Variants in MTMR4 observed in about 807,000 individuals in gnomAD.
MTMR4 encodes the protein phosphatidylinositol-3,5-bisphosphate 3-phosphatase MTMR4.
In MTMR4, 30 loss-of-function variants were observed where a neutral mutation model predicts 125.5. The observed-to-expected ratio is 0.24, with a 90% confidence interval of 0.18 to 0.32. The LOEUF (loss-of-function observed/expected upper bound fraction) is 0.32, where lower values mean the gene tolerates loss of function less well. Ranked by LOEUF, MTMR4 falls within the 10% of genes least tolerant of loss-of-function variation. MTMR4 has a pLI of 1.00. For synonymous variants in MTMR4, 498 were observed against 564.5 expected (o/e 0.88, Z 1.67); for missense variants, 1,039 against 1,511.5 (o/e 0.69, Z 5.18).
chr17:58,516,934 G>C (rs2042025915), upstream of MTMR4, among the ~76,000 whole-genome samples: 1 of 152,250 alleles, frequency 6.6e-6, no homozygotes, highest in African/African-American at 2.4e-5. Context: ...CTTTCTCAGG[G>C]AGCAGAACTG....
chr17:58,518,101 G>A (rs2042044415), upstream of MTMR4, among the ~76,000 whole-genome samples: 1 of 152,228 alleles, frequency 6.6e-6, no homozygotes, highest in Non-Finnish European at 1.5e-5. Flanking sequence ...CCTGGAGGAA[G>A]GAGGCGCGGC....
upstream of MTMR4, among the ~76,000 whole-genome samples, chr17:58,517,409 C>A (rs1311438698): frequency 6.6e-6 from 1 of 152,242 alleles, no homozygotes; most frequent in Non-Finnish European, 1.5e-5. Flanking sequence ...CGGGAGGCTG[C>A]GGGGATAAAA....
upstream of MTMR4, chr17:58,515,115 G>C: frequency 5.4e-6 from 5 of 925,582 alleles, no homozygotes; most frequent in Non-Finnish European, 6.4e-6. Flanking sequence ...TTATTCCAAC[G>C]CCCCTACCCA....
chr17:58,518,011 T>G (rs2042042736), upstream of MTMR4: 1 of 152,712 alleles, frequency 6.5e-6, no homozygotes, highest in Admixed American at 6.5e-5. Flanking sequence ...CCGCCCTCAC[T>G]CTCGACCCCA....
At chr17:58,515,690 A>G (rs1289313984), upstream of MTMR4, among the ~76,000 whole-genome samples, 2 of 152,214 alleles carry the variant, frequency 1.3e-5, no homozygotes, top group African/African-American at 4.8e-5. Context: ...AGAGAAAAAG[A>G]GGAGCTATCT....
Position 58,507,322 on chromosome 17 carries a change from G to A in MTMR4, c.708-3C>T, listed in dbSNP as rs932587094. 3 of 1,610,942 alleles carry A rather than the reference G, an allele frequency of 1.9e-6. No individual in the cohort carries two copies. Among genetic ancestry groups the A allele is most frequent in the Non-Finnish European group, 2.5e-6 (3 of 1,179,550 alleles). ...TGGCAGCCCCATTGCGCAAGTGTCT[G>A]ACAAAACAGAAGAAACCGTAATGCC... On this transcript the variant is annotated splice_region_variant and splice_polypyrimidine_tract_variant and intron_variant, in intron 7 of 17. Coordinates refer to ENST00000682306, the MANE Select transcript of MTMR4 (RefSeq NM_001378067.1).
intron 16 of MTMR4, 89 bp from the exon 17 acceptor site, chr17:58,492,688 A>T (rs2143834744): frequency 7.1e-7 from 1 of 1,407,028 alleles, no homozygotes. Flanking sequence ...CAGCAGAAAG[A>T]GACAAGGCTT....
At chr17:58,510,109 A>G (rs1409755612) in intron 4 of MTMR4, among the ~76,000 whole-genome samples, 2 of 152,068 alleles carry the variant, frequency 1.3e-5, no homozygotes, top group Non-Finnish European at 2.9e-5. Flanking sequence ...ATTCTCTTTC[A>G]TCTAGTCTCA....
upstream of MTMR4, among the ~76,000 whole-genome samples, chr17:58,518,329 T>TC (rs2042050297): frequency 6.6e-6 from 1 of 152,014 alleles, no homozygotes; most frequent in Admixed American, 6.5e-5. Flanking sequence ...CTGAAACAGG[T>TC]CCCCAGTGGC....
rs1975954262 is a variant in MTMR4, at chr17:58,512,331, C to T, written c.252+59G>A. On this transcript the variant is annotated intron_variant, in intron 3 of 17. Transcript: ENST00000682306. The surrounding 1 kb of genome is among the most constrained non-coding windows in gnomAD (Gnocchi z 4.1). ...GATCAAGGACAGCCTTGGAACAATC[C>T]CACCTTGAACTTCATAGGGATTCTA... 9 of 1,413,074 alleles carry T rather than the reference C, an allele frequency of 6.4e-6. No individual in the cohort carries two copies. Among genetic ancestry groups the T allele is most frequent in the Non-Finnish European group, 9.0e-6 (9 of 998,440 alleles). The allele number at this position is 1,413,074 out of a possible 1,614,324, so 87.5% of individuals were successfully genotyped here.
intron 10 of MTMR4, among the ~76,000 whole-genome samples, 199 bp from the exon 11 acceptor site, chr17:58,505,173 A>C (rs2143896524): frequency 6.6e-6 from 1 of 152,338 alleles, no homozygotes; most frequent in Non-Finnish European, 1.5e-5. Flanking sequence ...AAGCATCTGA[A>C]GCTCAAAAGA....
In MTMR4 at chr17:58,492,549, G is replaced by A. The variant is rs755728019; in HGVS notation, c.3414C>T (p.Asp1138=). 1.2e-6 allele frequency: 2 copies of A among 1,614,120 alleles called. No homozygotes were observed. The highest frequency in any genetic ancestry group is 1.6e-4 in the Middle Eastern group (1 of 6,062). ...TTCGTTTGGCCAACCAGAATTCACA[G>A]TCACAGTTATAGCAGTGTGATGCCA... is the stretch of plus-strand genomic sequence containing the variant. ...DHMASHCYNC[D]CEFWLAKRRH... is the part of the protein sequence containing the mutation. Residue 1138 remains aspartate (D), a synonymous_variant, in exon 17 of 18, where the codon GAC becomes GAT. Coordinates refer to ENST00000682306, the MANE Select transcript of MTMR4 (RefSeq NM_001378067.1).
rs886796086 is a variant in MTMR4 at position 58,514,468 on chromosome 17, C to T, written c.-61G>A. 2 of 984,912 alleles carry T rather than the reference C, an allele frequency of 2.0e-6. No homozygotes were observed. Among genetic ancestry groups the T allele is most frequent in the Non-Finnish European group, 2.4e-6 (2 of 829,734 alleles). 61.0% of individuals were successfully genotyped at this position (984,912 alleles called of 1,614,324 possible). A position where few individuals can be genotyped will look rare whatever the true frequency, so the allele number is the denominator to read the frequency against. Reference sequence around the variant, plus strand: ...GGAGCCGCTGCGCTGCCCGCCAGCCCCGGGCGCCCGCCGCATCCCGGCTGC... The same window carrying T: ...GGAGCCGCTGCGCTGCCCGCCAGCCTCGGGCGCCCGCCGCATCCCGGCTGC... On this transcript the variant is annotated 5_prime_UTR_variant, in exon 1 of 18. Coordinates refer to ENST00000682306, the MANE Select transcript of MTMR4 (RefSeq NM_001378067.1).
Position 58,504,030 on chromosome 17 carries a change from G to A in MTMR4, c.1698+20C>T. ...TATAGGTTTCTAAATAGCACCTACA[G>A]GAAAAGGGCTCAGACTCACCATGTC... On this transcript the variant is annotated intron_variant, in intron 13 of 17. Transcript: ENST00000682306. This position sits in a 1 kb window ranked among gnomAD's most constrained non-coding sequence, Gnocchi z 7.1. 6.5e-7 allele frequency: 1 copy of A among 1,535,060 alleles called. No individual in the cohort carries two copies. Among genetic ancestry groups the A allele is most frequent in the Admixed American group, 2.1e-5 (1 of 47,262 alleles).
chr17:58,492,411 C>T (rs973445199), intron 17 of MTMR4, 100 bp downstream of exon 17: 3 of 992,530 alleles, frequency 3.0e-6, no homozygotes, highest in Non-Finnish European at 4.6e-6. Context: ...CCTCATGATC[C>T]GCCTGCCTCG....
intron 14 of MTMR4, 56 bp from the exon 15 acceptor site, chr17:58,496,386 A>G (rs933555935): frequency 3.6e-6 from 5 of 1,399,036 alleles, no homozygotes; most frequent in Middle Eastern, 1.9e-4. Context: ...GCAATACAAT[A>G]TATGGAACTG....
rs1975713875 is a variant in MTMR4, at chr17:58,504,106, G to C, written c.1642C>G (p.Leu548Val). The C allele has an allele frequency of 1.3e-6, 2 of 1,596,682 alleles. No individual in the cohort carries two copies. The highest frequency in any genetic ancestry group is 2.3e-5 in the South Asian group (2 of 88,610). The change falls in exon 13 of 18, where the codon CTT becomes GTT. Residue 548 changes from leucine (L) to valine (V), a missense_variant. Around this residue, in one of 6 missense-constraint regions of MTMR4, gnomAD observed 619 missense variants for 714.5 expected, o/e 0.87. Transcript: ENST00000682306. The surrounding 1 kb of genome is among the most constrained non-coding windows in gnomAD (Gnocchi z 7.1). ...TGAAAGTTTTTATTGCCAGCTCGAA[G>C]GAGCGCCCACACAGAGCAGGTCCGC... ...YKRTCSVWAL[L>V]RAGNKNFHNF...
chr17:58,492,726 A>G, intron 16 of MTMR4, 116 bp downstream of exon 16: 1 of 1,335,316 alleles, frequency 7.5e-7, no homozygotes, highest in Non-Finnish European at 1.1e-6. Context: ...CCATTTGCCT[A>G]CCAGGCTGAC....
Position 58,514,486 on chromosome 17 carries a change from C to T in MTMR4, c.-79G>A. 7 of 984,950 alleles carry T rather than the reference C, an allele frequency of 7.1e-6. No individual in the cohort carries two copies. Among genetic ancestry groups the T allele is most frequent in the Middle Eastern group, 5.2e-4 (1 of 1,914 alleles). The allele number at this position is 984,950 out of a possible 1,614,324, so 61.0% of individuals were successfully genotyped here. A position where few individuals can be genotyped will look rare whatever the true frequency, so the allele number is the denominator to read the frequency against. On this transcript the variant is annotated 5_prime_UTR_variant, in exon 1 of 18. Transcript: ENST00000682306. ...GCCAGCCCCGGGCGCCCGCCGCATC[C>T]CGGCTGCGGGGCTCGCCAGGTGCAG...
Sources: gnomAD v4.1 joint callset for allele counts (sites outside exome capture counted in the v4.1 genomes callset) on GRCh38, gnomAD v4.1.1 for gene constraint, gnomAD v4.1.1 regional missense constraint, Gnocchi (gnomAD v3.1) non-coding constraint, MANE v1.5 for transcripts, NCBI Gene and HGNC (gene_info 2026-07-23, HGNC 2026-07-21) for gene names.